The following GALNTL6 variants were observed in gnomAD, a reference collection of about 807,000 sequenced individuals.
GALNTL6 encodes the protein polypeptide N-acetylgalactosaminyltransferase like 6, also known as polypeptide N-acetylgalactosaminyltransferase-like 6.
Under a neutral mutation model 73.7 loss-of-function variants are expected in GALNTL6, and 46 were observed. The ratio of observed to expected loss-of-function variants is 0.62; its 90% CI spans 0.49 to 0.80. The LOEUF (loss-of-function observed/expected upper bound fraction) is 0.80. Ranked by LOEUF, GALNTL6 falls within the 30% of genes least tolerant of loss-of-function variation. The probability of loss-of-function intolerance (pLI) is 0.00; values close to 1 mark genes in which losing one functional copy is unlikely to be tolerated. For synonymous variants in GALNTL6, 259 were observed against 263.7 expected, an observed-to-expected ratio of 0.98 and a Z score of 0.17; for missense variants, 604 against 755.0, an observed-to-expected ratio of 0.80 and a Z score of 2.34.
At chr4:172,560,660 T>G (rs962035427) in intron 5 of GALNTL6, among the ~76,000 whole-genome samples, 1 of 152,020 alleles carries the variant, frequency 6.6e-6, no homozygotes, top group Non-Finnish European at 1.5e-5. Context: ...TGAGATTTTT[T>G]GTTGTTGTTG....
intron 11 of GALNTL6, among the ~76,000 whole-genome samples, chr4:173,017,319 G>A (rs1752823193): frequency 6.6e-6 from 1 of 152,170 alleles, no homozygotes; most frequent in Non-Finnish European, 1.5e-5. Context: ...AAGGGTTATT[G>A]TACAGGAAAC....
At chr4:172,653,313 A>T (rs1300043100) in intron 5 of GALNTL6, among the ~76,000 whole-genome samples, 1 of 150,452 alleles carries the variant, frequency 6.6e-6, no homozygotes, top group East Asian at 2.0e-4. Flanking sequence ...TCCACCTCCC[A>T]GATTCAAGTG....
intron 12 of GALNTL6, among the ~76,000 whole-genome samples, chr4:173,028,575 G>A (rs768390705): frequency 1.3e-4 from 19 of 151,998 alleles, no homozygotes; most frequent in Non-Finnish European, 2.6e-4. Flanking sequence ...CTGAGGGCAA[G>A]AACTTTTTAA....
intron 2 of GALNTL6, among the ~76,000 whole-genome samples, chr4:172,183,137 C>T (rs540719419): frequency 1.7e-3 from 265 of 152,192 alleles, no homozygotes; most frequent in African/African-American, 6.0e-3. Context: ...TAAGAATATT[C>T]TAAAAATTAT....
chr4:172,726,395 A>G (rs1244082835), intron 5 of GALNTL6, among the ~76,000 whole-genome samples: 1 of 152,154 alleles, frequency 6.6e-6, no homozygotes, highest in Non-Finnish European at 1.5e-5. Context: ...TAAGCATGTT[A>G]GTAAGAGCAA....
intron 3 of GALNTL6, among the ~76,000 whole-genome samples, chr4:172,270,825 G>C (rs56197141): frequency 0.042 from 6,322 of 152,052 alleles, 432 homozygotes; most frequent in African/African-American, 0.14. Flanking sequence ...TATTTTAAAA[G>C]TAAAAACTCA....
intron 10 of GALNTL6, among the ~76,000 whole-genome samples, chr4:172,957,209 G>A (rs1003679053): frequency 6.6e-6 from 1 of 152,196 alleles, no homozygotes; most frequent in Non-Finnish European, 1.5e-5. Flanking sequence ...TAGTAGAATA[G>A]CGGATGGAAC....
In GALNTL6 at chr4:172,307,198, T is replaced by C. The variant is rs568953034; in HGVS notation, c.248-4416T>C. 2.0e-5 allele frequency among the ~76,000 whole-genome samples: 3 copies of C among 152,292 alleles called. No individual in the cohort carries two copies. The East Asian group carries it at 5.8e-4, about 29-fold the overall frequency. On this transcript the variant is annotated intron_variant, in intron 3 of 12. Coordinates refer to ENST00000506823, the MANE Select transcript of GALNTL6 (RefSeq NM_001034845.3). Reference sequence around the variant, plus strand: ...TATCATATTATGGTTTTAATTTGGATTTCCTTCATAATTAGTGATGTTGAG... The same window carrying C: ...TATCATATTATGGTTTTAATTTGGACTTCCTTCATAATTAGTGATGTTGAG...
At chr4:172,684,086 C>A (rs6840747) in intron 5 of GALNTL6, among the ~76,000 whole-genome samples, 149,155 of 152,330 alleles carry the variant, frequency 0.98, 73,102 homozygotes, top group Non-Finnish European at 1. Flanking sequence ...ACTAGAAATG[C>A]AGACACATCT....
chr4:172,432,089 T>C (rs1176889923), intron 5 of GALNTL6, among the ~76,000 whole-genome samples: 2 of 152,116 alleles, frequency 1.3e-5, no homozygotes, highest in East Asian at 3.9e-4. Flanking sequence ...ACATCATGAC[T>C]GAACCAGACA....
At chr4:172,828,137 T>G (rs576561425) in intron 7 of GALNTL6, among the ~76,000 whole-genome samples, 110 of 151,858 alleles carry the variant, frequency 7.2e-4, no homozygotes, top group African/African-American at 2.5e-3. Flanking sequence ...CCAGGCATAG[T>G]GGCAGGCACC....
At chr4:172,104,523 G>T (rs1210177986) in intron 2 of GALNTL6, among the ~76,000 whole-genome samples, 2 of 152,208 alleles carry the variant, frequency 1.3e-5, no homozygotes, top group East Asian at 1.9e-4. Context: ...TTATAAAGCA[G>T]CAAGAAACAG....
intron 4 of GALNTL6, among the ~76,000 whole-genome samples, chr4:172,345,900 G>A (rs1255947768): frequency 1.3e-5 from 2 of 152,146 alleles, no homozygotes; most frequent in Non-Finnish European, 2.9e-5. Context: ...GAGACAATAT[G>A]GAACATACCT....
At chr4:172,849,183 T>A (rs907730799) in intron 7 of GALNTL6, among the ~76,000 whole-genome samples, 5 of 152,180 alleles carry the variant, frequency 3.3e-5, no homozygotes, top group Admixed American at 6.6e-5. Context: ...TTCAGTTCTT[T>A]CAATATAATC....
chr4:171,947,639 G>T (rs1168946473), intron 2 of GALNTL6, among the ~76,000 whole-genome samples: 1 of 152,116 alleles, frequency 6.6e-6, no homozygotes, highest in Non-Finnish European at 1.5e-5. Context: ...GTCTACAAAG[G>T]ACTGAAAGCT....
At chr4:172,562,650 G>A (rs12648405) in intron 5 of GALNTL6, among the ~76,000 whole-genome samples, 40,089 of 152,068 alleles carry the variant, frequency 0.26, 6,319 homozygotes, top group African/African-American at 0.45. Context: ...ATAAGGTATC[G>A]ATCTTGCCTA....
intron 2 of GALNTL6, among the ~76,000 whole-genome samples, chr4:172,079,468 G>T (rs1731810818): frequency 6.6e-6 from 1 of 151,496 alleles, no homozygotes; most frequent in African/African-American, 2.4e-5. Flanking sequence ...CTGTAATTTT[G>T]ATTTATTGAT....
intron 5 of GALNTL6, among the ~76,000 whole-genome samples, chr4:172,428,668 T>A (rs1418674991): frequency 6.6e-6 from 1 of 152,212 alleles, no homozygotes; most frequent in African/African-American, 2.4e-5. Flanking sequence ...TACCTTCACA[T>A]CATGTTCTCT....
rs867520775 is a variant in GALNTL6 at position 172,789,534 on chromosome 4, A to G, written c.554-19827A>G. On this transcript the variant is annotated intron_variant, in intron 5 of 12. Coordinates refer to ENST00000506823, the MANE Select transcript of GALNTL6 (RefSeq NM_001034845.3). ...CCAAAAAATTGGACACCCCTGTTAT[A>G]AAGGATTTTGCAAAAGATACAGATG... Among the ~76,000 whole-genome samples, 21 of 152,238 alleles carry G rather than the reference A, an allele frequency of 1.4e-4. No homozygotes were observed. The South Asian group carries it at 4.0e-3, about 29-fold the overall frequency.
Sources: allele counts gnomAD v4.1 joint callset (sites outside exome capture counted in the v4.1 genomes callset), GRCh38; gene constraint gnomAD v4.1.1; transcripts MANE v1.5; gene names NCBI Gene and HGNC (gene_info 2026-07-23, HGNC 2026-07-21).